GSS: variants seen among roughly 807,000 people sequenced by gnomAD.
GSS encodes the protein glutathione synthetase, also known as GSH synthetase.
Under a neutral mutation model 60.4 loss-of-function variants are expected in GSS, and 34 were observed. The observed-to-expected ratio is 0.56, with a 90% CI of 0.43 to 0.75. The LOEUF is 0.75. Among genes scored for constraint, GSS ranks in the 30% least tolerant of loss-of-function variants. GSS has a pLI of 0.00. For synonymous variants in GSS, 224 were observed against 239.0 expected (o/e 0.94, Z 0.58); for missense variants, 499 against 595.1 (o/e 0.84, Z 1.68).
intron 5 of GSS, 150 bp from the exon 6 acceptor site, chr20:34,941,979 T>C (rs557739373): frequency 5.6e-6 from 4 of 709,638 alleles, no homozygotes; most frequent in African/African-American, 3.5e-5. Flanking sequence ...CCACTTCAGG[T>C]TGGAATATGC....
chr20:34,929,829 G>A (rs1486806277), intron 11 of GSS, among the ~76,000 whole-genome samples: 3 of 152,162 alleles, frequency 2.0e-5, no homozygotes, highest in African/African-American at 7.2e-5. Flanking sequence ...ACCTACAGCT[G>A]TTCCTTCTCA....
At chr20:34,942,112 G>A (rs1364000005) in intron 5 of GSS, among the ~76,000 whole-genome samples, 2 of 152,072 alleles carry the variant, frequency 1.3e-5, no homozygotes, top group Admixed American at 6.5e-5. Context: ...GCCTCCAGGT[G>A]CTGTCTGGAA....
chr20:34,947,179 C>T (rs1016470367), intron 2 of GSS, among the ~76,000 whole-genome samples: 38 of 152,086 alleles, frequency 2.5e-4, no homozygotes, highest in Admixed American at 2.3e-3. Context: ...CCTCCATCTC[C>T]TGGGTTCAAG....
At chr20:34,939,856 G>A (rs1408568466) in intron 6 of GSS, among the ~76,000 whole-genome samples, 1 of 151,826 alleles carries the variant, frequency 6.6e-6, no homozygotes, top group Non-Finnish European at 1.5e-5. Context: ...TTTTAGTAGA[G>A]ACAAGGTTTC....
At chr20:34,935,792 G>C (rs2081436617) in intron 8 of GSS, 150 bp from the exon 9 acceptor site, 1 of 690,322 alleles carries the variant, frequency 1.4e-6, no homozygotes, top group Non-Finnish European at 2.6e-6. Flanking sequence ...TGGAACCAGT[G>C]AAAGTAGATA....
rs960288119 is a variant in GSS at position 34,950,866 on chromosome 20, C to T, written c.129+858G>A. ...AGCTGCATTAGGGTAAACTCTTGTA[C>T]CATTTGAATTTGAACCATGAAAATG... On this transcript the variant is annotated intron_variant, in intron 2 of 12. Coordinates refer to ENST00000651619, the MANE Select transcript of GSS (RefSeq NM_000178.4). 2.0e-5 allele frequency among the ~76,000 whole-genome samples: 3 copies of T among 152,132 alleles called. No individual in the cohort carries two copies. The South Asian group carries it at 6.2e-4, about 32-fold the overall frequency.
intron 6 of GSS, among the ~76,000 whole-genome samples, chr20:34,938,813 C>T (rs531220732): frequency 3.3e-5 from 5 of 152,296 alleles, no homozygotes; most frequent in South Asian, 2.1e-4. Flanking sequence ...CAGCTAAGGA[C>T]GCATGCGGGC....
At chr20:34,935,684 C>A in intron 8 of GSS, 42 bp from the exon 9 acceptor site, 2 of 1,456,246 alleles carry the variant, frequency 1.4e-6, no homozygotes, top group Non-Finnish European at 1.9e-6. Context: ...TAAATTATAA[C>A]TGATTTGTTC....
At chr20:34,935,270 T>C (rs1372137953) in intron 9 of GSS, among the ~76,000 whole-genome samples, 1 of 152,252 alleles carries the variant, frequency 6.6e-6, no homozygotes, top group Non-Finnish European at 1.5e-5. Context: ...GTCAGCAGTA[T>C]GCTGGAACTG....
chr20:34,932,656 C>T (rs1476771164), intron 9 of GSS, among the ~76,000 whole-genome samples: 1 of 152,164 alleles, frequency 6.6e-6, no homozygotes, highest in Non-Finnish European at 1.5e-5. Flanking sequence ...TACATCTCAG[C>T]TCAATGTCAC....
chr20:34,928,848 C>T lies in GSS; in HGVS notation c.1405G>A (p.Asp469Asn). The change falls in exon 13 of 13, where the codon GAC becomes AAC. Residue 469 changes from aspartate to asparagine, a missense_variant. Physicochemically the swap from Asp to Asn is conservative, Grantham distance 23. Transcript: ENST00000651619. ...GGVAAGVAVL[D>N]NPYPV ...TGCCCTCACACAGGGTATGGGTTGT[C>T]CAGGACTGCCACTCCCGCTGCCACA... 2 of 1,614,028 alleles carry T rather than the reference C, an allele frequency of 1.2e-6. No homozygotes were observed. The highest frequency in any genetic ancestry group is 2.2e-5 in the East Asian group (1 of 44,880).
intron 3 of GSS, 56 bp downstream of exon 3, chr20:34,945,893 AATCT>A (rs746039270): frequency 6.7e-5 from 105 of 1,569,898 alleles, no homozygotes; most frequent in Non-Finnish European, 8.9e-5. Flanking sequence ...ACGGCTCTGC[AATCT>A]TCCAGTTCCT....
chr20:34,947,188 A>G (rs1055837481), intron 2 of GSS, among the ~76,000 whole-genome samples: 1 of 152,028 alleles, frequency 6.6e-6, no homozygotes, highest in African/African-American at 2.4e-5. Flanking sequence ...CCTGGGTTCA[A>G]GCAATTCTCC....
intron 9 of GSS, among the ~76,000 whole-genome samples, chr20:34,932,511 A>C (rs1266597395): frequency 6.6e-6 from 1 of 152,108 alleles, no homozygotes; most frequent in Non-Finnish European, 1.5e-5. Context: ...AGTCTCTGCC[A>C]TTCTACTCAC....
intron 8 of GSS, 64 bp from the exon 9 acceptor site, chr20:34,935,706 C>G (rs1490115127): frequency 1.6e-6 from 2 of 1,280,038 alleles, no homozygotes; most frequent in East Asian, 2.3e-5. Context: ...GTGGTTCAAT[C>G]TATTTCAGGG....
intron 2 of GSS, among the ~76,000 whole-genome samples, chr20:34,948,893 A>C (rs976721820): frequency 2.6e-5 from 4 of 152,234 alleles, no homozygotes; most frequent in African/African-American, 9.6e-5. Context: ...GAATTGTGGC[A>C]AAAAGAAGTA....
At position 34,935,658 on chromosome 20, in the gene GSS, G is replaced by C. The variant is rs554473553; in HGVS notation, c.768-16C>G. 1.3e-6 allele frequency: 2 copies of C among 1,584,032 alleles called. No homozygotes were observed. Among genetic ancestry groups the C allele is most frequent in the Non-Finnish European group, 1.7e-6 (2 of 1,152,734 alleles). ...CTGGCCATCCCTGGAACACAGGATG[G>C]AGAAGGCTGCTGTGTTAAATTATAA... On this transcript the variant is annotated splice_polypyrimidine_tract_variant and intron_variant, in intron 8 of 12. Transcript: ENST00000651619.
intron 3 of GSS, among the ~76,000 whole-genome samples, chr20:34,944,677 G>C (rs2081507212): frequency 6.6e-6 from 1 of 152,190 alleles, no homozygotes; most frequent in Admixed American, 6.5e-5. Flanking sequence ...ACATCTTGGG[G>C]ATGGGACTCA....
intron 6 of GSS, among the ~76,000 whole-genome samples, chr20:34,938,481 T>C (rs7351715): frequency 6.6e-6 from 1 of 152,164 alleles, no homozygotes; most frequent in South Asian, 2.1e-4. Context: ...AAACTAAAAG[T>C]GGTGCTCTCA....
Sources: allele counts gnomAD v4.1 joint callset (sites outside exome capture counted in the v4.1 genomes callset), GRCh38; gene constraint gnomAD v4.1.1; transcripts MANE v1.5; gene names NCBI Gene and HGNC (gene_info 2026-07-23, HGNC 2026-07-21).